Variants in TSPAN5 observed in about 807,000 individuals in gnomAD.
TSPAN5 encodes the protein tetraspanin 5.
In TSPAN5, 10 loss-of-function variants were observed where a neutral mutation model predicts 37.1. The ratio of observed to expected loss-of-function variants is 0.27; its 90% CI spans 0.17 to 0.46. TSPAN5 has a LOEUF of 0.46. Among genes scored for constraint, TSPAN5 ranks in the 20% least tolerant of loss-of-function variants. TSPAN5 has a pLI of 1.00. For synonymous variants in TSPAN5, 110 were observed against 118.9 expected (o/e 0.93, Z 0.48); for missense variants, 195 against 326.6 (o/e 0.60, Z 3.11).
At chr4:98,480,053 C>T (rs1752804657) in intron 4 of TSPAN5, among the ~76,000 whole-genome samples, 1 of 152,152 alleles carries the variant, frequency 6.6e-6, no homozygotes, top group African/African-American at 2.4e-5. Flanking sequence ...GCGGTGACCC[C>T]CCTGGACCCA....
intron 1 of TSPAN5, among the ~76,000 whole-genome samples, chr4:98,592,421 G>GTTTTTTTTTTTTTTTTTTT (rs1204813183): frequency 5.2e-5 from 5 of 95,260 alleles, no homozygotes; most frequent in African/African-American, 2.2e-4. Context: ...AGGGATCTCT[G>GTTTTTTTTTTTTTTTTTTT]TTTTTTGTTT....
intron 1 of TSPAN5, among the ~76,000 whole-genome samples, chr4:98,634,745 CCAAA>C (rs1756818103): frequency 6.6e-6 from 1 of 152,072 alleles, no homozygotes; most frequent in African/African-American, 2.4e-5. Context: ...TCCTGAGCAC[CCAAA>C]ATGGTGACAG....
At chr4:98,474,680 T>A (rs1318268125) in intron 7 of TSPAN5, among the ~76,000 whole-genome samples, 1 of 151,166 alleles carries the variant, frequency 6.6e-6, no homozygotes, top group Non-Finnish European at 1.5e-5. Context: ...TATATTTTTT[T>A]CTTATTTTTT....
chr4:98,537,303 G>A (rs1027866553), intron 1 of TSPAN5, among the ~76,000 whole-genome samples: 63 of 152,252 alleles, frequency 4.1e-4, no homozygotes, highest in African/African-American at 1.4e-3. Context: ...GCTTCGGCTT[G>A]CCCTCTGTGG....
At chr4:98,648,978 G>C (rs1757125628) in intron 1 of TSPAN5, among the ~76,000 whole-genome samples, 1 of 152,126 alleles carries the variant, frequency 6.6e-6, no homozygotes, top group Non-Finnish European at 1.5e-5. Flanking sequence ...TGCATAAAGG[G>C]GTGAAATATC....
chr4:98,610,834 T>C (rs1268757548), intron 1 of TSPAN5, among the ~76,000 whole-genome samples: 1 of 152,112 alleles, frequency 6.6e-6, no homozygotes, highest in African/African-American at 2.4e-5. Flanking sequence ...TGCCCCGGCA[T>C]CCTCCCCGCT....
intron 1 of TSPAN5, among the ~76,000 whole-genome samples, chr4:98,602,130 G>A (rs952623925): frequency 7.2e-5 from 11 of 152,116 alleles, no homozygotes; most frequent in South Asian, 2.1e-4. Flanking sequence ...ATGGAATGTC[G>A]TGAGAATTAC....
At position 98,533,939 on chromosome 4, in the gene TSPAN5, T is replaced by TAAGAAAAAAAAA. The variant is rs1488955038; in HGVS notation, c.82-26212_82-26211insTTTTTTTTTCTT. ...AGTGGTCTATCCATTTTGTTGATCT[T>TAAGAAAAAAAAA]AAAAAAAAAAAAAAAAAAAAAAACC... On this transcript the variant is annotated intron_variant, in intron 1 of 7. Coordinates refer to ENST00000305798, the MANE Select transcript of TSPAN5 (RefSeq NM_005723.4). Among the ~76,000 whole-genome samples, 67 of 31,154 alleles carry TAAGAAAAAAAAA rather than the reference T, an allele frequency of 2.2e-3. 4 individuals carry two copies. Among genetic ancestry groups the TAAGAAAAAAAAA allele is most frequent in the African/African-American group, 0.012 (66 of 5,450 alleles). 20.4% of individuals were successfully genotyped at this position (31,154 alleles called of 152,430 possible).
Position 98,473,331 on chromosome 4 carries a change from G to A in TSPAN5, c.742-744C>T, listed in dbSNP as rs112171603. 7.6e-3 allele frequency among the ~76,000 whole-genome samples: 1,155 copies of A among 152,240 alleles called. 15 individuals are homozygous for A. The highest frequency in any genetic ancestry group is 0.025 in the African/African-American group (1,045 of 41,528). On this transcript the variant is annotated intron_variant, in intron 7 of 7. Coordinates refer to ENST00000305798, the MANE Select transcript of TSPAN5 (RefSeq NM_005723.4). ...GTTTCGTTTTCTCCACATCCTTGCC[G>A]ATACTTGTTATTGTCTGTCTTTTTT...
At chr4:98,585,702 A>G (rs1393020020) in intron 1 of TSPAN5, among the ~76,000 whole-genome samples, 2 of 152,180 alleles carry the variant, frequency 1.3e-5, no homozygotes, top group African/African-American at 4.8e-5. Context: ...TTTCTGAGTT[A>G]TTTCACTTAG....
chr4:98,646,796 C>T (rs1757078514), intron 1 of TSPAN5, among the ~76,000 whole-genome samples: 1 of 151,988 alleles, frequency 6.6e-6, no homozygotes, highest in South Asian at 2.1e-4. Context: ...TTTAATGATT[C>T]TGAAAGAAGG....
At chr4:98,634,590 G>A (rs10022548) in intron 1 of TSPAN5, among the ~76,000 whole-genome samples, 35,341 of 152,100 alleles carry the variant, frequency 0.23, 4,340 homozygotes, top group Middle Eastern at 0.3. Context: ...AGGGAAAAAC[G>A]CTTTGTCAGA....
At chr4:98,606,087 T>C (rs567868063) in intron 1 of TSPAN5, among the ~76,000 whole-genome samples, 2 of 152,230 alleles carry the variant, frequency 1.3e-5, no homozygotes, top group African/African-American at 4.8e-5. Context: ...ATCAAGACCA[T>C]CTAAAATTAT....
At chr4:98,557,295 CA>C (rs1220817053) in intron 1 of TSPAN5, among the ~76,000 whole-genome samples, 1 of 152,070 alleles carries the variant, frequency 6.6e-6, no homozygotes, top group Non-Finnish European at 1.5e-5. Context: ...GAAGAAAATG[CA>C]CAAATGGTAT....
At chr4:98,583,903 A>G (rs187842933) in intron 1 of TSPAN5, among the ~76,000 whole-genome samples, 59 of 152,244 alleles carry the variant, frequency 3.9e-4, no homozygotes, top group African/African-American at 1.3e-3. Context: ...TACACAGTCA[A>G]TGTAGGGTTT....
intron 7 of TSPAN5, among the ~76,000 whole-genome samples, chr4:98,475,207 G>C (rs1316833405): frequency 6.6e-6 from 1 of 152,148 alleles, no homozygotes; most frequent in Non-Finnish European, 1.5e-5. Context: ...TAAAAAGGTG[G>C]TTACAATTTT....
chr4:98,651,072 A>C (rs1410759111), intron 1 of TSPAN5, among the ~76,000 whole-genome samples: 1 of 152,258 alleles, frequency 6.6e-6, no homozygotes, highest in African/African-American at 2.4e-5. Context: ...CAAATGAGAA[A>C]AGAGTAACTA....
At chr4:98,530,460 C>T (rs10005781) in intron 1 of TSPAN5, among the ~76,000 whole-genome samples, 83,564 of 151,920 alleles carry the variant, frequency 0.55, 23,505 homozygotes, top group African/African-American at 0.66. Context: ...AAGGCCAGGG[C>T]TCCCTGAAGC....
intron 1 of TSPAN5, among the ~76,000 whole-genome samples, chr4:98,512,683 C>T (rs1196338154): frequency 6.6e-6 from 1 of 152,180 alleles, no homozygotes; most frequent in Non-Finnish European, 1.5e-5. Context: ...GCTGAACCTC[C>T]AACATTTTGA....
Sources: allele counts gnomAD v4.1 joint callset (sites outside exome capture counted in the v4.1 genomes callset), GRCh38; gene constraint gnomAD v4.1.1; transcripts MANE v1.5; gene names NCBI Gene and HGNC (gene_info 2026-07-23, HGNC 2026-07-21).